PCSK5: variants seen among roughly 807,000 people sequenced by gnomAD.
PCSK5 encodes the protein prohormone convertase 5.
In PCSK5, 129 loss-of-function variants were observed where a neutral mutation model predicts 233.2. The ratio of observed to expected loss-of-function variants is 0.55; its 90% confidence interval spans 0.48 to 0.64. PCSK5 has a LOEUF of 0.64. PCSK5 is among the 30% of genes least tolerant of loss of function. The pLI is 0.00. For missense variants in PCSK5, 2,076 were observed against 2,430.1 expected (o/e 0.85, Z 3.06); for synonymous variants, 825 against 879.2 (o/e 0.94, Z 1.09).
chr9:76,311,851 T>G (rs1459840942), intron 30 of PCSK5, among the ~76,000 whole-genome samples: 2 of 152,174 alleles, frequency 1.3e-5, no homozygotes. Context: ...CCACATTACG[T>G]GTCTCAGCTC....
At chr9:76,258,771 C>G (rs2131355965) in intron 24 of PCSK5, among the ~76,000 whole-genome samples, 1 of 152,248 alleles carries the variant, frequency 6.6e-6, no homozygotes, top group South Asian at 2.1e-4. Context: ...GGAAGTTTGA[C>G]CTACTGAGAT....
intron 36 of PCSK5, among the ~76,000 whole-genome samples, chr9:76,353,726 T>C (rs1425729587): frequency 6.6e-6 from 1 of 152,212 alleles, no homozygotes. Context: ...CAGACAAAAC[T>C]AGTCCTTGAC....
chr9:76,358,020 G>A (rs1326739527), intron 37 of PCSK5, among the ~76,000 whole-genome samples: 3 of 152,180 alleles, frequency 2.0e-5, no homozygotes, highest in South Asian at 4.1e-4. Context: ...ATTTTCTTAG[G>A]AGGGAAATAG....
intron 3 of PCSK5, among the ~76,000 whole-genome samples, chr9:76,021,426 T>A (rs138470404): frequency 6.6e-6 from 1 of 151,986 alleles, no homozygotes; most frequent in Non-Finnish European, 1.5e-5. Flanking sequence ...TGAAAAAGGC[T>A]ATGTGTTAAG....
intron 20 of PCSK5, among the ~76,000 whole-genome samples, chr9:76,226,658 A>G (rs1190772447): frequency 6.6e-6 from 1 of 152,180 alleles, no homozygotes; most frequent in Admixed American, 6.5e-5. Flanking sequence ...CCAGTCTCTA[A>G]ACCAGAAAAA....
intron 21 of PCSK5, among the ~76,000 whole-genome samples, chr9:76,230,982 G>A (rs1264979462): frequency 6.6e-6 from 1 of 151,998 alleles, no homozygotes; most frequent in Non-Finnish European, 1.5e-5. Flanking sequence ...ACCATCCTCT[G>A]CCCCCCATTT....
rs773420970 is a variant in PCSK5 at position 76,181,503 on chromosome 9, A to G, written c.2109A>G (p.Gln703=). The G allele has an allele frequency of 9.3e-6, 15 of 1,613,954 alleles. No homozygotes were observed. The highest frequency in any genetic ancestry group is 8.3e-5 in the Admixed American group (5 of 60,000). The change falls in exon 16 of 38, where the codon CAA becomes CAG. Residue 703 remains glutamine (Q), a synonymous_variant. Transcript: ENST00000674117. ...CESCFGSHGD[Q]CMSCKYGYFL... The stretch of plus-strand genomic sequence containing the variant: ...CCTGCTTTGGGAGCCATGGTGACCA[A>G]TGCATGTCCTGCAAATATGGATACT...
At chr9:76,016,658 G>T (rs1026813738) in intron 3 of PCSK5, among the ~76,000 whole-genome samples, 1 of 152,150 alleles carries the variant, frequency 6.6e-6, no homozygotes, top group African/African-American at 2.4e-5. Context: ...ATTCCTTAAA[G>T]GTGACACAAG....
At chr9:76,231,617 T>A (rs1024837884) in intron 21 of PCSK5, among the ~76,000 whole-genome samples, 1 of 152,112 alleles carries the variant, frequency 6.6e-6, no homozygotes, top group Non-Finnish European at 1.5e-5. Context: ...GGTTTTTTTG[T>A]TTGTTTGTTT....
intron 1 of PCSK5, among the ~76,000 whole-genome samples, chr9:75,902,877 T>C (rs1267800193): frequency 6.6e-6 from 1 of 152,194 alleles, no homozygotes; most frequent in Non-Finnish European, 1.5e-5. Context: ...TGCTTTCAAC[T>C]CCCATATTTG....
At chr9:76,352,962 T>C (rs939597332) in intron 36 of PCSK5, among the ~76,000 whole-genome samples, 2 of 151,162 alleles carry the variant, frequency 1.3e-5, no homozygotes, top group Admixed American at 1.3e-4. Context: ...AGCAGAAGGA[T>C]CACTTGAATC....
intron 9 of PCSK5, among the ~76,000 whole-genome samples, chr9:76,117,721 A>T (rs1429514352): frequency 1.3e-5 from 2 of 152,160 alleles, no homozygotes; most frequent in Non-Finnish European, 2.9e-5. Context: ...AACTGGCATC[A>T]CTTCACAGAT....
chr9:76,059,438 C>A (rs1829947778), intron 5 of PCSK5, among the ~76,000 whole-genome samples: 1 of 152,200 alleles, frequency 6.6e-6, no homozygotes, highest in Admixed American at 6.5e-5. Flanking sequence ...TTGCCCATGC[C>A]TATGTCCTGA....
At chr9:75,960,754 A>G (rs1174108518) in intron 2 of PCSK5, among the ~76,000 whole-genome samples, 1 of 152,124 alleles carries the variant, frequency 6.6e-6, no homozygotes, top group East Asian at 1.9e-4. Flanking sequence ...CTGTTTCCCG[A>G]GTGCCTGCCA....
intron 5 of PCSK5, among the ~76,000 whole-genome samples, chr9:76,064,534 C>G (rs892413909): frequency 1.3e-5 from 2 of 149,476 alleles, no homozygotes; most frequent in African/African-American, 2.5e-5. Context: ...CCCTCCCGGA[C>G]GGGGTGGCTG....
At chr9:76,075,815 G>A (rs1305290749) in intron 7 of PCSK5, among the ~76,000 whole-genome samples, 1 of 152,112 alleles carries the variant, frequency 6.6e-6, no homozygotes, top group African/African-American at 2.4e-5. Context: ...AAAAATGTAG[G>A]GATTGGAATT....
At chr9:75,972,516 G>T (rs1825852602) in intron 2 of PCSK5, among the ~76,000 whole-genome samples, 1 of 152,138 alleles carries the variant, frequency 6.6e-6, no homozygotes, top group African/African-American at 2.4e-5. Context: ...CATGAGCATG[G>T]AATGTTTTTC....
intron 7 of PCSK5, among the ~76,000 whole-genome samples, chr9:76,081,266 C>G (rs1247023414): frequency 1.3e-5 from 2 of 151,988 alleles, no homozygotes; most frequent in African/African-American, 4.8e-5. Flanking sequence ...CCAGCTTGGC[C>G]AACATGGTGA....
At chr9:76,100,263 A>C (rs1167576485) in intron 8 of PCSK5, among the ~76,000 whole-genome samples, 2 of 152,246 alleles carry the variant, frequency 1.3e-5, no homozygotes, top group Non-Finnish European at 2.9e-5. Context: ...TAAAATTACT[A>C]GTTATTTTAA....
Sources: gnomAD v4.1 joint callset for allele counts (sites outside exome capture counted in the v4.1 genomes callset) on GRCh38, gnomAD v4.1.1 for gene constraint, MANE v1.5 for transcripts, NCBI Gene and HGNC (gene_info 2026-07-23, HGNC 2026-07-21) for gene names.